The following MITF variants were observed in gnomAD, a reference collection of about 807,000 sequenced individuals.
MITF encodes the protein melanocyte inducing transcription factor, also known as microphthalmia-associated transcription factor.
In MITF, 17 loss-of-function variants were observed where a neutral mutation model predicts 60.5. That is an observed-to-expected ratio of 0.28 (90% confidence interval 0.19 to 0.42). MITF has a LOEUF of 0.42. Among genes scored for constraint, MITF ranks in the 10% least tolerant of loss-of-function variants. The pLI, the probability that MITF is intolerant of heterozygous loss-of-function variation, is 1.00. For missense variants in MITF, 622 were observed against 683.5 expected, an observed-to-expected ratio of 0.91 and a Z score of 1.00; for synonymous variants, 260 against 248.5, an observed-to-expected ratio of 1.05 and a Z score of -0.43.
intron 1 of MITF, among the ~76,000 whole-genome samples, chr3:69,849,738 C>T (rs2063793892): frequency 6.6e-6 from 1 of 152,192 alleles, no homozygotes; most frequent in South Asian, 2.1e-4. Flanking sequence ...TGGACCATTT[C>T]AGGGGCCTGT....
intron 3 of MITF, chr3:69,938,670 A>C (rs2065900843): frequency 7.6e-7 from 1 of 1,324,298 alleles, no homozygotes; most frequent in Admixed American, 3.6e-5. Flanking sequence ...AACTACCTTC[A>C]AGCTAATTGG....
At chr3:69,827,138 A>G (rs1345777074) in intron 1 of MITF, among the ~76,000 whole-genome samples, 1 of 152,112 alleles carries the variant, frequency 6.6e-6, no homozygotes, top group Non-Finnish European at 1.5e-5. Context: ...AACCCATCCT[A>G]TCTGAGGGGG....
chr3:69,890,587 G>T (rs1287856331), intron 2 of MITF, among the ~76,000 whole-genome samples: 3 of 151,998 alleles, frequency 2.0e-5, no homozygotes, highest in Non-Finnish European at 2.9e-5. Context: ...GGGGTTTTAT[G>T]TATGATTTTT....
chr3:69,761,914 C>T (rs919018339), intron 1 of MITF, among the ~76,000 whole-genome samples: 2 of 152,224 alleles, frequency 1.3e-5, no homozygotes, highest in African/African-American at 4.8e-5. Flanking sequence ...TACTACTGAA[C>T]ATGAACATGT....
At chr3:69,790,510 A>G (rs563109906) in intron 1 of MITF, among the ~76,000 whole-genome samples, 122 of 152,314 alleles carry the variant, frequency 8.0e-4, no homozygotes, top group African/African-American at 2.8e-3. Flanking sequence ...TTTTTACCAC[A>G]ATTTTAAAAA....
intron 1 of MITF, among the ~76,000 whole-genome samples, chr3:69,843,896 C>G (rs961104092): frequency 1.3e-5 from 2 of 152,098 alleles, no homozygotes; most frequent in South Asian, 2.1e-4. Context: ...CTCTCCTAGT[C>G]CCCCGCCCCA....
intron 1 of MITF, among the ~76,000 whole-genome samples, chr3:69,842,797 G>A (rs1004444061): frequency 1.3e-5 from 2 of 152,152 alleles, no homozygotes; most frequent in South Asian, 2.1e-4. Flanking sequence ...TATGTCAGGA[G>A]CCCAGTGTGG....
chr3:69,886,324 A>G (rs1273519886), intron 2 of MITF, among the ~76,000 whole-genome samples: 1 of 152,104 alleles, frequency 6.6e-6, no homozygotes, highest in Non-Finnish European at 1.5e-5. Flanking sequence ...GTGGATATTA[A>G]TTATAGGGTG....
At chr3:69,960,664 G>A (rs1363023642) in intron 9 of MITF, among the ~76,000 whole-genome samples, 2 of 152,108 alleles carry the variant, frequency 1.3e-5, no homozygotes, top group African/African-American at 4.8e-5. Flanking sequence ...ATAAAGCAAG[G>A]GTTGTCTTTC....
intron 1 of MITF, chr3:69,838,690 T>G (rs910989956): frequency 6.6e-6 from 1 of 152,660 alleles, no homozygotes; most frequent in Admixed American, 6.5e-5. Flanking sequence ...GAGAGCTGAC[T>G]AGTTGCTCTC....
chr3:69,776,121 G>A (rs2062470013), intron 1 of MITF, among the ~76,000 whole-genome samples: 1 of 152,210 alleles, frequency 6.6e-6, no homozygotes, highest in Non-Finnish European at 1.5e-5. Flanking sequence ...CTAGGGAAGT[G>A]GGAGAGTGAA....
chr3:69,772,525 G>C (rs1226125235), intron 1 of MITF, among the ~76,000 whole-genome samples: 3 of 152,202 alleles, frequency 2.0e-5, no homozygotes, highest in Non-Finnish European at 4.4e-5. Context: ...ACAGCATCTT[G>C]TTTCTGATAA....
intron 1 of MITF, among the ~76,000 whole-genome samples, chr3:69,833,386 TC>T (rs2063484164): frequency 6.6e-6 from 1 of 152,262 alleles, no homozygotes; most frequent in African/African-American, 2.4e-5. Context: ...TGTGGTTGTT[TC>T]CCTGTTTACA....
At chr3:69,790,698 C>T (rs1313010388) in intron 1 of MITF, among the ~76,000 whole-genome samples, 1 of 152,104 alleles carries the variant, frequency 6.6e-6, no homozygotes, top group Non-Finnish European at 1.5e-5. Context: ...ATCAAAACCC[C>T]TATATCTCGC....
intron 2 of MITF, among the ~76,000 whole-genome samples, chr3:69,915,374 A>G (rs1466494875): frequency 6.6e-6 from 1 of 152,258 alleles, no homozygotes; most frequent in Non-Finnish European, 1.5e-5. Context: ...ACACAAGAAT[A>G]TATATCATAA....
intron 2 of MITF, among the ~76,000 whole-genome samples, chr3:69,913,825 A>G (rs1173151431): frequency 1.3e-5 from 2 of 152,200 alleles, no homozygotes; most frequent in Non-Finnish European, 2.9e-5. Context: ...ACCTTCCCAT[A>G]TTCAAGATGA....
intron 1 of MITF, chr3:69,764,063 G>T: frequency 1.3e-6 from 1 of 777,550 alleles, no homozygotes; most frequent in Non-Finnish European, 1.8e-6. Flanking sequence ...TGGCTAGATT[G>T]CTTTCTGTTT....
chr3:69,941,522 T>G (rs1215492104), intron 5 of MITF, among the ~76,000 whole-genome samples, 191 bp downstream of exon 5: 10 of 152,212 alleles, frequency 6.6e-5, no homozygotes, highest in Admixed American at 6.5e-4. Context: ...TATGAGTTTA[T>G]GAATAATCCC....
chr3:69,860,600 A>G (rs77614419), intron 1 of MITF, among the ~76,000 whole-genome samples: 1 of 150,366 alleles, frequency 6.7e-6, no homozygotes, highest in Admixed American at 6.6e-5. Context: ...TCCGTCTCAA[A>G]AAAAAAAAAA....
Sources: allele counts gnomAD v4.1 joint callset (sites outside exome capture counted in the v4.1 genomes callset), GRCh38; gene constraint gnomAD v4.1.1; transcripts MANE v1.5; gene names NCBI Gene and HGNC (gene_info 2026-07-23, HGNC 2026-07-21).